Variants in RBM20 observed in about 807,000 individuals in gnomAD.
RBM20 encodes the protein RNA binding motif protein 20, also known as RNA-binding protein 20.
Under a neutral mutation model 110.1 loss-of-function variants are expected in RBM20, and 51 were observed. That is an observed-to-expected ratio of 0.46 (90% CI 0.37 to 0.59). The LOEUF is 0.59. Among genes scored for constraint, RBM20 ranks in the 20% least tolerant of loss-of-function variants. RBM20 has a pLI of 0.00. For synonymous variants in RBM20, 589 were observed against 618.2 expected (o/e 0.95, Z 0.70); for missense variants, 1,512 against 1,574.9 (o/e 0.96, Z 0.68).
intron 1 of RBM20, among the ~76,000 whole-genome samples, chr10:110,735,434 T>C (rs1314580525): frequency 6.6e-6 from 1 of 152,236 alleles, no homozygotes; most frequent in Admixed American, 6.5e-5. Context: ...GAAGAGATTG[T>C]AGCCTGTCTG....
chr10:110,830,320 T>C (rs1315442395), intron 12 of RBM20, among the ~76,000 whole-genome samples: 1 of 152,232 alleles, frequency 6.6e-6, no homozygotes, highest in East Asian at 1.9e-4. Flanking sequence ...GCCAGTTGTT[T>C]CCTTTGCTTG....
chr10:110,770,273 G>A (rs776664237), intron 1 of RBM20, among the ~76,000 whole-genome samples: 10 of 152,064 alleles, frequency 6.6e-5, no homozygotes, highest in African/African-American at 2.4e-5. Context: ...ATTTCACCTT[G>A]TCAGAAACTG....
At chr10:110,768,970 C>G (rs1354159258) in intron 1 of RBM20, among the ~76,000 whole-genome samples, 1 of 152,186 alleles carries the variant, frequency 6.6e-6, no homozygotes, top group Non-Finnish European at 1.5e-5. Flanking sequence ...TCTTCAGGGT[C>G]ATTTAAGACA....
chr10:110,672,550 TC>T (rs1398319088), intron 1 of RBM20, among the ~76,000 whole-genome samples: 4 of 152,220 alleles, frequency 2.6e-5, no homozygotes, highest in Admixed American at 6.5e-5. Flanking sequence ...CAGGCGGTCT[TC>T]CCGGGTGTTC....
chr10:110,665,303 G>C (rs1025326698), intron 1 of RBM20, among the ~76,000 whole-genome samples: 1 of 152,184 alleles, frequency 6.6e-6, no homozygotes. Flanking sequence ...GTTAGGTGCA[G>C]CTGATGGCGT....
intron 1 of RBM20, among the ~76,000 whole-genome samples, chr10:110,734,596 G>A (rs55692714): frequency 0.15 from 21,551 of 148,410 alleles, 2,094 homozygotes; most frequent in East Asian, 0.27. Context: ...TTTCTATCAT[G>A]GAACCAATAT....
At chr10:110,669,693 AT>A (rs1862232013) in intron 1 of RBM20, among the ~76,000 whole-genome samples, 1 of 152,196 alleles carries the variant, frequency 6.6e-6, no homozygotes, top group Admixed American at 6.5e-5. Flanking sequence ...AAGTGTTGGG[AT>A]TACAGGCATG....
chr10:110,760,144 C>T (rs1042843832), intron 1 of RBM20, among the ~76,000 whole-genome samples: 1 of 152,160 alleles, frequency 6.6e-6, no homozygotes, highest in Admixed American at 6.5e-5. Flanking sequence ...AATGTGCTGG[C>T]GTGTTCCATC....
chr10:110,813,743 G>T (rs890853998), intron 9 of RBM20, among the ~76,000 whole-genome samples: 2 of 151,620 alleles, frequency 1.3e-5, no homozygotes, highest in Non-Finnish European at 1.5e-5. Context: ...GCTGAGGCAG[G>T]AGAATCACTT....
intron 12 of RBM20, among the ~76,000 whole-genome samples, chr10:110,828,930 G>T (rs1253189239): frequency 2.0e-5 from 3 of 152,278 alleles, no homozygotes; most frequent in Non-Finnish European, 4.4e-5. Context: ...CACTGCTGGG[G>T]GCTTTGGCTA....
intron 1 of RBM20, among the ~76,000 whole-genome samples, chr10:110,778,035 C>T (rs1364269428): frequency 6.6e-6 from 1 of 152,222 alleles, no homozygotes; most frequent in Non-Finnish European, 1.5e-5. Context: ...TTCTCCTCTT[C>T]CTTCCGTATT....
chr10:110,744,000 GC>G (rs1232192243), intron 1 of RBM20, among the ~76,000 whole-genome samples: 1 of 152,124 alleles, frequency 6.6e-6, no homozygotes, highest in African/African-American at 2.4e-5. Flanking sequence ...CCTGGTGGGG[GC>G]TCCAGTCCCC....
intron 1 of RBM20, among the ~76,000 whole-genome samples, chr10:110,721,389 C>G (rs1042222741): frequency 3.3e-5 from 5 of 152,224 alleles, no homozygotes; most frequent in African/African-American, 1.2e-4. Context: ...AGAACCTTGG[C>G]TACCTTCCCT....
At chr10:110,729,191 C>T (rs538597371) in intron 1 of RBM20, among the ~76,000 whole-genome samples, 14 of 152,308 alleles carry the variant, frequency 9.2e-5, no homozygotes, top group African/African-American at 3.1e-4. Context: ...GATTTAAGAA[C>T]ATGCCACTTA....
chr10:110,644,464 G>A lies in RBM20; in HGVS notation c.10G>A (p.Ala4Thr). The A allele has an allele frequency of 1.3e-6, 2 of 1,512,618 alleles. No individual in the cohort carries two copies. Among genetic ancestry groups the A allele is most frequent in the Non-Finnish European group, 1.8e-6 (2 of 1,135,216 alleles). The allele number at this position is 1,512,618 out of a possible 1,614,324, so 93.7% of individuals were successfully genotyped here. MVL[A>T]AAMSQDADPS... is the part of the protein sequence containing the mutation. ...GCGGGTCTCGCCCCGCATGGTGCTG[G>A]CAGCAGCCATGAGCCAGGACGCGGA... Residue 4 changes from alanine to threonine, a missense_variant, in exon 1 of 14, where the codon GCA becomes ACA. Ala to Thr is a moderately conservative substitution (Grantham distance 58). Coordinates refer to ENST00000369519, the MANE Select transcript of RBM20 (RefSeq NM_001134363.3). This position sits in a 1 kb window ranked among gnomAD's most constrained non-coding sequence, Gnocchi z 4.3.
intron 1 of RBM20, among the ~76,000 whole-genome samples, chr10:110,671,095 G>A (rs1052487263): frequency 2.0e-5 from 3 of 152,194 alleles, no homozygotes; most frequent in African/African-American, 7.2e-5. Context: ...CCCAGGCCTA[G>A]AAACGTCTCC....
intron 1 of RBM20, among the ~76,000 whole-genome samples, chr10:110,712,259 T>C (rs1862943449): frequency 6.6e-6 from 1 of 152,206 alleles, no homozygotes; most frequent in African/African-American, 2.4e-5. Flanking sequence ...CTGGCCCTCA[T>C]TTTTGTCATC....
chr10:110,697,109 G>A (rs567048824), intron 1 of RBM20, among the ~76,000 whole-genome samples: 1 of 152,290 alleles, frequency 6.6e-6, no homozygotes, highest in Non-Finnish European at 1.5e-5. Context: ...TGAGTTATGT[G>A]TTTTGTTTGG....
chr10:110,801,147 G>A (rs61862914), intron 7 of RBM20, among the ~76,000 whole-genome samples: 29,307 of 152,000 alleles, frequency 0.19, 3,553 homozygotes, highest in Middle Eastern at 0.28. Flanking sequence ...TAGAGTTTTC[G>A]GCCGGGCGTG....
Sources: allele counts gnomAD v4.1 joint callset (sites outside exome capture counted in the v4.1 genomes callset), GRCh38; gene constraint gnomAD v4.1.1; non-coding constraint Gnocchi (gnomAD v3.1); transcripts MANE v1.5; gene names NCBI Gene and HGNC (gene_info 2026-07-23, HGNC 2026-07-21).